RANBP2: variants seen among roughly 807,000 people sequenced by gnomAD.
The protein encoded by RANBP2 is RAN binding protein 2.
Under a neutral mutation model 303.6 loss-of-function variants are expected in RANBP2, and 57 were observed. The ratio of observed to expected loss-of-function variants is 0.19; its 90% CI spans 0.15 to 0.23. The LOEUF is 0.23. RANBP2 is among the 10% of genes least tolerant of loss of function. RANBP2 has a pLI of 1.00. For missense variants in RANBP2, 3,138 were observed against 3,780.8 expected (o/e 0.83, Z 4.46); for synonymous variants, 1,167 against 1,301.5 (o/e 0.90, Z 2.23).
At chr2:109,501,182 G>C in the RANBP2 span, among the ~76,000 whole-genome samples, 11 of 152,280 alleles carry the variant, frequency 7.2e-5, no homozygotes, top group African/African-American at 2.6e-4. Flanking sequence ...AGTCTAGGTG[G>C]GTGGGCCAGG....
At chr2:109,053,535 C>T in the RANBP2 span, among the ~76,000 whole-genome samples, 1 of 152,232 alleles carries the variant, frequency 6.6e-6, no homozygotes, top group Admixed American at 6.5e-5. Context: ...GGAGCCCTTT[C>T]AGACCAGACT....
chr2:109,435,328 T>C, the RANBP2 span, among the ~76,000 whole-genome samples: 1 of 152,350 alleles, frequency 6.6e-6, no homozygotes. Context: ...CCAGGACTTA[T>C]ACTTTCTTGA....
Position 108,764,843 on chromosome 2 carries a change from G to A in RANBP2, c.4304G>A (p.Cys1435Tyr). 1 of 1,614,058 alleles carries A rather than the reference G, an allele frequency of 6.2e-7. No homozygotes were observed. The highest frequency in any genetic ancestry group is 8.5e-7 in the Non-Finnish European group (1 of 1,179,952). Residue 1435 changes from cysteine (C) to tyrosine (Y), a missense_variant, in exon 20 of 29, where the codon TGC becomes TAC. By Grantham distance (194) the Cys-to-Tyr change is radical (BLOSUM62 -2). Transcript: ENST00000283195. The stretch of plus-strand genomic sequence containing the variant: ...AGAAATGAACCTACTGTATCTAGGT[G>A]CATTGCGTGTCAGAATACAAAATCT... Reference protein sequence around the residue: ...LVRNEPTVSRCIACQNTKSAN... With the variant: ...LVRNEPTVSRYIACQNTKSAN...
At chr2:109,138,490 T>C in the RANBP2 span, among the ~76,000 whole-genome samples, 7 of 152,248 alleles carry the variant, frequency 4.6e-5, no homozygotes, top group African/African-American at 1.7e-4. Flanking sequence ...TGGTGCTGCA[T>C]TTGCTGGCAA....
At chr2:109,349,746 C>G in the RANBP2 span, among the ~76,000 whole-genome samples, 4 of 152,360 alleles carry the variant, frequency 2.6e-5, no homozygotes, top group African/African-American at 7.2e-5. Flanking sequence ...TCGCAGGGCC[C>G]TGGAGCCTCT....
the RANBP2 span, among the ~76,000 whole-genome samples, chr2:108,994,735 C>G: frequency 2.0e-5 from 3 of 148,950 alleles, no homozygotes; most frequent in South Asian, 6.4e-4. Flanking sequence ...CAGTGGATAT[C>G]TAAAAGCAGG....
At chr2:109,139,396 C>T in the RANBP2 span, among the ~76,000 whole-genome samples, 50 of 151,982 alleles carry the variant, frequency 3.3e-4, no homozygotes, top group Middle Eastern at 0.01. Context: ...GTAGTCTAAA[C>T]ATGTGCAGTA....
At chr2:109,172,206 T>C in the RANBP2 span, among the ~76,000 whole-genome samples, 1 of 152,218 alleles carries the variant, frequency 6.6e-6, no homozygotes, top group Admixed American at 6.5e-5. Context: ...ACCAGGGTCC[T>C]CTGGCAGCCA....
chr2:109,541,094 G>C, the RANBP2 span, among the ~76,000 whole-genome samples: 1 of 152,098 alleles, frequency 6.6e-6, no homozygotes, highest in Non-Finnish European at 1.5e-5. Flanking sequence ...TTTAAAACCA[G>C]TTTTCCTATT....
the RANBP2 span, among the ~76,000 whole-genome samples, chr2:108,828,193 C>T: frequency 1.3e-5 from 2 of 151,856 alleles, no homozygotes; most frequent in Non-Finnish European, 2.9e-5. Context: ...TGGAGGTTAT[C>T]GTGAAACCAT....
chr2:109,693,427 G>A, the RANBP2 span, among the ~76,000 whole-genome samples: 1 of 152,118 alleles, frequency 6.6e-6, no homozygotes, highest in South Asian at 2.1e-4. Context: ...CCAAAGTGCT[G>A]GTATTACAGG....
chr2:109,682,751 G>A, the RANBP2 span, among the ~76,000 whole-genome samples: 3 of 152,112 alleles, frequency 2.0e-5, no homozygotes, highest in East Asian at 5.8e-4. Context: ...ACCAACCCGG[G>A]CAACATGGCA....
chr2:109,459,845 G>A, the RANBP2 span, among the ~76,000 whole-genome samples: 2 of 152,172 alleles, frequency 1.3e-5, no homozygotes, highest in Admixed American at 1.3e-4. Context: ...GTTACTAGGG[G>A]TCATAATAAG....
the RANBP2 span, among the ~76,000 whole-genome samples, chr2:108,936,202 T>C: frequency 6.6e-6 from 1 of 152,252 alleles, no homozygotes; most frequent in Non-Finnish European, 1.5e-5. Context: ...GGGAAGCAGC[T>C]GAGGCCAGGT....
At position 108,763,916 on chromosome 2, in the gene RANBP2, G is replaced by A. The variant is rs748576853; in HGVS notation, c.3377G>A (p.Arg1126Gln). The A allele has an allele frequency of 8.1e-6, 13 of 1,613,772 alleles. No homozygotes were observed. The highest frequency in any genetic ancestry group is 3.3e-4 in the Middle Eastern group (2 of 6,062). Residue 1126 changes from arginine (R) to glutamine (Q), a missense_variant, in exon 20 of 29, where the codon CGG (arginine) becomes CAG (glutamine). Transcript: ENST00000283195. Reference protein sequence around the residue: ...GSSQQKNSGFRRSDDMFTFHG... With the variant: ...GSSQQKNSGFQRSDDMFTFHG... ...AGTCAGCAAAAGAATTCTGGTTTTC[G>A]GCGAAGTGATGATATGTTTACTTTC...
chr2:108,954,786 C>T, the RANBP2 span, among the ~76,000 whole-genome samples: 1 of 152,066 alleles, frequency 6.6e-6, no homozygotes, highest in Non-Finnish European at 1.5e-5. Flanking sequence ...AGCGATTCTC[C>T]TGTCTCAGCC....
At chr2:109,613,715 C>G in the RANBP2 span, 1 of 940,136 alleles carries the variant, frequency 1.1e-6, no homozygotes. Flanking sequence ...CGGGCCGGAC[C>G]AGGGGGCCGG....
chr2:108,887,144 T>C, the RANBP2 span, among the ~76,000 whole-genome samples: 42 of 152,334 alleles, frequency 2.8e-4, no homozygotes, highest in Non-Finnish European at 4.0e-4. Context: ...GGGTGAACTT[T>C]CCACAGTGTT....
the RANBP2 span, among the ~76,000 whole-genome samples, chr2:109,423,180 A>C: frequency 6.6e-6 from 1 of 151,966 alleles, no homozygotes; most frequent in Non-Finnish European, 1.5e-5. Context: ...AGCCCAGAGA[A>C]AGACTTAGGG....
Sources: allele counts gnomAD v4.1 joint callset (sites outside exome capture counted in the v4.1 genomes callset), GRCh38; gene constraint gnomAD v4.1.1; transcripts MANE v1.5; gene names NCBI Gene and HGNC (gene_info 2026-07-23, HGNC 2026-07-21).